The following SEMA5A variants were observed in gnomAD, a reference collection of about 807,000 sequenced individuals.
SEMA5A encodes semaphorin-5A.
A neutral mutation model predicts 135.5 loss-of-function variants in SEMA5A; 55 were observed. That is an observed-to-expected ratio of 0.41 (90% CI 0.33 to 0.51). The LOEUF (loss-of-function observed/expected upper bound fraction) is 0.51. SEMA5A is among the 20% of genes least tolerant of loss of function. SEMA5A has a pLI of 0.37. For synonymous variants in SEMA5A, 580 were observed against 546.5 expected (o/e 1.06, Z -0.85); for missense variants, 1,290 against 1,419.9 (o/e 0.91, Z 1.47).
At chr5:9,376,810 G>A (rs539846530) in intron 3 of SEMA5A, among the ~76,000 whole-genome samples, 56 of 152,178 alleles carry the variant, frequency 3.7e-4, no homozygotes, top group Non-Finnish European at 5.6e-4. Flanking sequence ...AGGCGGCAGA[G>A]AAATAGGTAT....
chr5:9,147,050 T>C (rs1742376124), intron 12 of SEMA5A, among the ~76,000 whole-genome samples: 1 of 152,212 alleles, frequency 6.6e-6, no homozygotes, highest in Non-Finnish European at 1.5e-5. Flanking sequence ...GTATGCTTTT[T>C]CCATTGGCAG....
At chr5:9,257,943 G>C (rs909499453) in intron 5 of SEMA5A, among the ~76,000 whole-genome samples, 12 of 152,270 alleles carry the variant, frequency 7.9e-5, no homozygotes, top group African/African-American at 2.4e-4. Context: ...GAGGGTGTTA[G>C]GGTGTTTTGT....
intron 16 of SEMA5A, among the ~76,000 whole-genome samples, chr5:9,078,944 G>C (rs1012931389): frequency 6.6e-6 from 1 of 151,962 alleles, no homozygotes; most frequent in South Asian, 2.1e-4. Context: ...AATATTTTCT[G>C]TTTAAATTGA....
chr5:9,395,653 G>T (rs1756359640), intron 2 of SEMA5A, among the ~76,000 whole-genome samples: 1 of 152,168 alleles, frequency 6.6e-6, no homozygotes, highest in Non-Finnish European at 1.5e-5. Context: ...CTGCATTTTG[G>T]TCCTCAAAGT....
Position 9,545,948 on chromosome 5 carries a change from G to A in SEMA5A, c.-539C>T. On this transcript the variant is annotated 5_prime_UTR_variant, in exon 1 of 23. Coordinates refer to ENST00000382496, the MANE Select transcript of SEMA5A (RefSeq NM_003966.3). The surrounding 1 kb of genome is among the most constrained non-coding windows in gnomAD (Gnocchi z 4.5). Reference sequence around the variant, plus strand: ...CGCCCCTGCACGGGGAAGGTGGAGGGCCGGGGCTGCAGCGGGCCAAGGGCC... The same window carrying A: ...CGCCCCTGCACGGGGAAGGTGGAGGACCGGGGCTGCAGCGGGCCAAGGGCC... 1 of 152,630 alleles carries A rather than the reference G, an allele frequency of 6.6e-6. No homozygotes were observed. Among genetic ancestry groups the A allele is most frequent in the Non-Finnish European group, 1.5e-5 (1 of 68,366 alleles). The allele number at this position is 152,630 out of a possible 1,614,324, so 9.5% of individuals were successfully genotyped here.
intron 1 of SEMA5A, among the ~76,000 whole-genome samples, chr5:9,464,422 T>C (rs930762277): frequency 6.6e-6 from 1 of 152,194 alleles, no homozygotes; most frequent in Non-Finnish European, 1.5e-5. Context: ...AAGAAGATGT[T>C]AATAGTGCTT....
intron 4 of SEMA5A, among the ~76,000 whole-genome samples, chr5:9,336,098 A>C (rs1753379087): frequency 6.6e-6 from 1 of 152,288 alleles, no homozygotes; most frequent in African/African-American, 2.4e-5. Context: ...TCCTTACTAC[A>C]AGTGGGAGTT....
chr5:9,064,291 G>T (rs537187795), intron 17 of SEMA5A, among the ~76,000 whole-genome samples: 1 of 152,136 alleles, frequency 6.6e-6, no homozygotes, highest in Non-Finnish European at 1.5e-5. Flanking sequence ...ATGTGAAATG[G>T]TCATGAGAAC....
At chr5:9,529,455 C>T (rs1486238069) in intron 1 of SEMA5A, among the ~76,000 whole-genome samples, 1 of 152,240 alleles carries the variant, frequency 6.6e-6, no homozygotes, top group Non-Finnish European at 1.5e-5. Flanking sequence ...CAGTAGCTTC[C>T]GGGTATGGGA....
At chr5:9,254,464 A>C (rs1690148824) in intron 5 of SEMA5A, among the ~76,000 whole-genome samples, 1 of 152,176 alleles carries the variant, frequency 6.6e-6, no homozygotes, top group Admixed American at 6.5e-5. Flanking sequence ...GGATGTGCAA[A>C]GTCTGTGAGA....
At chr5:9,259,169 G>C (rs1285530957) in intron 5 of SEMA5A, among the ~76,000 whole-genome samples, 1 of 152,060 alleles carries the variant, frequency 6.6e-6, no homozygotes, top group Non-Finnish European at 1.5e-5. Flanking sequence ...TAATTCTTTT[G>C]CTATCTGCCT....
chr5:9,341,681 T>C (rs1228700394), intron 3 of SEMA5A, among the ~76,000 whole-genome samples: 1 of 147,636 alleles, frequency 6.8e-6, no homozygotes, highest in Non-Finnish European at 1.5e-5. Flanking sequence ...ATATTATATA[T>C]ATATAAAATT....
At chr5:9,215,155 G>A (rs993186335) in intron 8 of SEMA5A, among the ~76,000 whole-genome samples, 1 of 152,152 alleles carries the variant, frequency 6.6e-6, no homozygotes, top group African/African-American at 2.4e-5. Context: ...ACTCTCACAG[G>A]AAACAAGAAG....
At chr5:9,085,928 T>A (rs557343128) in intron 16 of SEMA5A, among the ~76,000 whole-genome samples, 1 of 152,308 alleles carries the variant, frequency 6.6e-6, no homozygotes, top group East Asian at 1.9e-4. Context: ...ACCCACCTCT[T>A]GCATCAGTGT....
chr5:9,199,221 C>T lies in SEMA5A; in HGVS notation c.933-1918G>A, dbSNP rs560169660. ...TGGGCTCTGGTGTCACCCAGAGACT[C>T]CCCTGGATGTCCCAGTAGCTGCCAG... is the stretch of plus-strand genomic sequence containing the variant. On this transcript the variant is annotated intron_variant, in intron 9 of 22. Transcript: ENST00000382496. 2.5e-3 allele frequency among the ~76,000 whole-genome samples: 386 copies of T among 152,270 alleles called. 2 individuals carry two copies. Among genetic ancestry groups the T allele is most frequent in the Non-Finnish European group, 4.6e-3 (314 of 67,998 alleles).
intron 11 of SEMA5A, among the ~76,000 whole-genome samples, chr5:9,184,041 C>T (rs549204011): frequency 6.6e-6 from 1 of 151,992 alleles, no homozygotes; most frequent in South Asian, 2.1e-4. Flanking sequence ...TGAATTTAGC[C>T]CCTAATTAGT....
chr5:9,076,758 C>CA (rs1444681724), intron 16 of SEMA5A, among the ~76,000 whole-genome samples: 11 of 152,200 alleles, frequency 7.2e-5, no homozygotes, highest in Admixed American at 7.2e-4. Context: ...ATAAATGCTT[C>CA]ATAAAGCATG....
chr5:9,326,450 C>T (rs374165981), intron 4 of SEMA5A, among the ~76,000 whole-genome samples: 22 of 152,172 alleles, frequency 1.4e-4, no homozygotes, highest in East Asian at 7.9e-4. Flanking sequence ...GATGGGGTTT[C>T]GCTGTGTTGG....
intron 11 of SEMA5A, among the ~76,000 whole-genome samples, chr5:9,157,091 T>C (rs1742994937): frequency 6.6e-6 from 1 of 152,246 alleles, no homozygotes; most frequent in South Asian, 2.1e-4. Context: ...TGGATGACCG[T>C]GCATCCTTCA....
Sources: gnomAD v4.1 joint callset for allele counts (sites outside exome capture counted in the v4.1 genomes callset) on GRCh38, gnomAD v4.1.1 for gene constraint, Gnocchi (gnomAD v3.1) non-coding constraint, MANE v1.5 for transcripts, NCBI Gene and HGNC (gene_info 2026-07-23, HGNC 2026-07-21) for gene names.